ZNF654: variants seen among roughly 807,000 people sequenced by gnomAD.
ZNF654 encodes the protein melanoma-associated antigen.
In ZNF654, 19 loss-of-function variants were observed where a neutral mutation model predicts 95.3. That is an observed-to-expected ratio of 0.20 (90% CI 0.14 to 0.29). ZNF654 has a LOEUF of 0.29. ZNF654 is among the 10% of genes least tolerant of loss of function. The pLI is 1.00. For synonymous variants in ZNF654, 413 were observed against 457.9 expected, an observed-to-expected ratio of 0.90 and a Z score of 1.25; for missense variants, 1,046 against 1,341.0, an observed-to-expected ratio of 0.78 and a Z score of 3.44.
chr3:88,096,104 TTTGA>T (rs1446296019), intron 2 of ZNF654: 5 of 161,482 alleles, frequency 3.1e-5, no homozygotes, highest in Non-Finnish European at 5.3e-5. Context: ...TCATTTTCTT[TTTGA>T]TTAAGATCTG....
At chr3:88,130,945 G>C (rs1294511337) in intron 6 of ZNF654, among the ~76,000 whole-genome samples, 1 of 152,082 alleles carries the variant, frequency 6.6e-6, no homozygotes, top group African/African-American at 2.4e-5. Flanking sequence ...TAGAGAAAGG[G>C]ATTAGGAGGT....
intron 3 of ZNF654, among the ~76,000 whole-genome samples, chr3:88,119,039 A>G (rs1428133024): frequency 1.3e-5 from 2 of 149,752 alleles, no homozygotes; most frequent in East Asian, 2.0e-4. Flanking sequence ...TACTGGGTAT[A>G]TACCCAAAGG....
intron 6 of ZNF654, among the ~76,000 whole-genome samples, chr3:88,130,758 C>T (rs1032552310): frequency 3.3e-5 from 5 of 151,756 alleles, no homozygotes; most frequent in African/African-American, 7.2e-5. Flanking sequence ...GTGCCTGGCC[C>T]TATTCTTGTT....
intron 7 of ZNF654, among the ~76,000 whole-genome samples, chr3:88,136,996 ACCAGT>A (rs1706826627): frequency 6.6e-6 from 1 of 152,076 alleles, no homozygotes; most frequent in Non-Finnish European, 1.5e-5. Context: ...GAAGTTCAAG[ACCAGT>A]CTGGCCAACA....
chr3:88,124,102 AATAAG>A (rs1705940498), intron 3 of ZNF654, among the ~76,000 whole-genome samples: 1 of 152,246 alleles, frequency 6.6e-6, no homozygotes, highest in Non-Finnish European at 1.5e-5. Context: ...GATGCCCTAA[AATAAG>A]ATATTTATTC....
At position 88,126,196 on chromosome 3, in the gene ZNF654, T is replaced by C; in HGVS notation, c.477T>C (p.Ile159=). ...ATCTGGAACTGGTGACTCGAATCAT[T>C]AGAGATGGTGGCCCATGGGAAGATC... ...NVNLELVTRI[I]RDGGPWEDPV... The change falls in exon 4 of 9, where the codon ATT becomes ATC. Residue 159 remains isoleucine, a synonymous_variant. Transcript: ENST00000636215. 2 of 1,531,154 alleles carry C rather than the reference T, an allele frequency of 1.3e-6. No homozygotes were observed. The highest frequency in any genetic ancestry group is 1.2e-5 in the South Asian group (1 of 83,376). 94.8% of individuals were successfully genotyped at this position (1,531,154 alleles called of 1,614,324 possible).
chr3:88,103,150 C>A (rs754301561), intron 2 of ZNF654, among the ~76,000 whole-genome samples: 2 of 151,992 alleles, frequency 1.3e-5, no homozygotes, highest in African/African-American at 2.4e-5. Context: ...TTTCAAAAAC[C>A]AGAAATTACA....
chr3:88,121,795 T>G (rs1022494067), intron 3 of ZNF654, among the ~76,000 whole-genome samples: 1 of 152,214 alleles, frequency 6.6e-6, no homozygotes, highest in Non-Finnish European at 1.5e-5. Context: ...TTTACATTTT[T>G]GTCTTAATTT....
intron 1 of ZNF654, among the ~76,000 whole-genome samples, chr3:88,082,300 T>G (rs1416308826): frequency 1.3e-5 from 2 of 152,116 alleles, no homozygotes; most frequent in Non-Finnish European, 2.9e-5. Context: ...CTAATTTTTA[T>G]ATTTTTAGTA....
At chr3:88,098,722 G>C (rs1224745208) in intron 2 of ZNF654, among the ~76,000 whole-genome samples, 2 of 152,112 alleles carry the variant, frequency 1.3e-5, no homozygotes, top group Admixed American at 6.6e-5. Context: ...CAGAACCAAA[G>C]ACAAAAACCA....
intron 1 of ZNF654, among the ~76,000 whole-genome samples, chr3:88,083,258 A>AAATCATTTAGAAACACTAAAATAT (rs1708174292): frequency 6.6e-6 from 1 of 152,202 alleles, no homozygotes. Flanking sequence ...GATATATTTT[A>AAATCATTTAGAAACACTAAAATAT]GTGTTCCTAA....
intron 1 of ZNF654, among the ~76,000 whole-genome samples, chr3:88,067,886 C>CTT (rs76481798): frequency 7.2e-6 from 1 of 139,628 alleles, no homozygotes; most frequent in Non-Finnish European, 1.6e-5. Flanking sequence ...TCTTTTCTTT[C>CTT]TTTTTTTTTT....
At chr3:88,112,202 T>C (rs1355961609) in intron 2 of ZNF654, among the ~76,000 whole-genome samples, 6 of 151,886 alleles carry the variant, frequency 4.0e-5, no homozygotes, top group Non-Finnish European at 8.8e-5. Context: ...TTAGGTCTTA[T>C]ATAATTTTAA....
At chr3:88,083,973 T>C (rs1708217770) in intron 1 of ZNF654, among the ~76,000 whole-genome samples, 1 of 125,856 alleles carries the variant, frequency 7.9e-6, no homozygotes, top group Admixed American at 7.7e-5. Context: ...ATATAGAAAA[T>C]ATTTCAAAGA....
At chr3:88,121,118 C>T (rs1208171570) in intron 3 of ZNF654, among the ~76,000 whole-genome samples, 1 of 144,534 alleles carries the variant, frequency 6.9e-6, no homozygotes, top group Non-Finnish European at 1.6e-5. Flanking sequence ...TAAATCCAAA[C>T]AAAGATGAGC....
At chr3:88,095,359 G>T in intron 2 of ZNF654, 1 of 280,532 alleles carries the variant, frequency 3.6e-6, no homozygotes, top group South Asian at 3.5e-5. Context: ...GAAGAGACAG[G>T]AATGTGAATG....
rs1456655461 is a variant in ZNF654, at chr3:88,059,270, G to A, written c.-50G>A. 4 of 1,526,696 alleles carry A rather than the reference G, an allele frequency of 2.6e-6. No individual in the cohort carries two copies. The highest frequency in any genetic ancestry group is 1.2e-5 in the South Asian group (1 of 83,376). The allele number at this position is 1,526,696 out of a possible 1,614,324, so 94.6% of individuals were successfully genotyped here. A position where few individuals can be genotyped will look rare whatever the true frequency, so the allele number is the denominator to read the frequency against. ...GGAGGAGGTTAGCCTAGGCATCTACGGCGGCGGCGGCGGCGCAGGGGCTGG... is the reference window on the plus strand; with the variant it reads ...GGAGGAGGTTAGCCTAGGCATCTACAGCGGCGGCGGCGGCGCAGGGGCTGG... On this transcript the variant is annotated 5_prime_UTR_variant, in exon 1 of 9. Transcript: ENST00000636215.
intron 1 of ZNF654, among the ~76,000 whole-genome samples, chr3:88,077,729 C>G (rs1707891105): frequency 6.6e-6 from 1 of 152,096 alleles, no homozygotes; most frequent in Non-Finnish European, 1.5e-5. Context: ...TGCAATTTAA[C>G]AGAATATTTT....
chr3:88,075,806 C>G (rs1188877068), intron 1 of ZNF654, among the ~76,000 whole-genome samples: 1 of 151,758 alleles, frequency 6.6e-6, no homozygotes, highest in Non-Finnish European at 1.5e-5. Flanking sequence ...GTAGTGTCTT[C>G]CGTAATGTTA....
Sources: gnomAD v4.1 joint callset for allele counts (sites outside exome capture counted in the v4.1 genomes callset) on GRCh38, gnomAD v4.1.1 for gene constraint, MANE v1.5 for transcripts, NCBI Gene and HGNC (gene_info 2026-07-23, HGNC 2026-07-21) for gene names.